Variants in KCNQ4 observed in about 807,000 individuals in gnomAD.
The protein encoded by KCNQ4 is potassium voltage-gated channel subfamily Q member 4.
Under a neutral mutation model 72.6 loss-of-function variants are expected in KCNQ4, and 31 were observed. The ratio of observed to expected loss-of-function variants is 0.43; its 90% CI spans 0.32 to 0.58. The LOEUF (loss-of-function observed/expected upper bound fraction) is 0.58. Among genes scored for constraint, KCNQ4 ranks in the 20% least tolerant of loss-of-function variants. KCNQ4 has a pLI of 0.08. For synonymous variants in KCNQ4, 405 were observed against 403.7 expected, an observed-to-expected ratio of 1.00 and a Z score of -0.04; for missense variants, 869 against 962.6, an observed-to-expected ratio of 0.90 and a Z score of 1.29.
chr1:40,823,661 G>A (rs1648376348), intron 8 of KCNQ4, among the ~76,000 whole-genome samples: 1 of 152,174 alleles, frequency 6.6e-6, no homozygotes. Flanking sequence ...AAACCCAGTG[G>A]CAAGAGTGAG....
intron 1 of KCNQ4, among the ~76,000 whole-genome samples, chr1:40,810,712 A>T (rs950531003): frequency 6.6e-6 from 1 of 152,152 alleles, no homozygotes; most frequent in Non-Finnish European, 1.5e-5. Flanking sequence ...GGATCCAGGG[A>T]CATCCCCAGA....
chr1:40,820,071 G>A (rs2148320211), intron 6 of KCNQ4, 86 bp downstream of exon 6: 1 of 1,524,970 alleles, frequency 6.6e-7, no homozygotes, highest in South Asian at 1.1e-5. Context: ...GGAGCCTGGG[G>A]TACCTCAGAG....
At chr1:40,785,196 C>G (rs1178609041) in intron 1 of KCNQ4, among the ~76,000 whole-genome samples, 1 of 152,228 alleles carries the variant, frequency 6.6e-6, no homozygotes, top group Non-Finnish European at 1.5e-5. Context: ...GCCCCCTCCT[C>G]CCTCTCACCA....
chr1:40,806,230 C>T (rs1647756902), intron 1 of KCNQ4, among the ~76,000 whole-genome samples: 2 of 152,352 alleles, frequency 1.3e-5, no homozygotes, highest in African/African-American at 4.8e-5. Context: ...GGGAAGGTTT[C>T]CACTAGCCAT....
chr1:40,784,210 C>T lies in KCNQ4; in HGVS notation c.117C>T (p.Gly39=). The part of the protein sequence containing the change: ...VQSEQGEAGG[G]GSPRRLGLLG... ...GCGAACAGGGCGAGGCGGGCGGGGG[C>T]GGCTCCCCGCGCCGCCTCGGCCTCC... Residue 39 remains glycine, a synonymous_variant, in exon 1 of 14, where the codon GGC becomes GGT. Transcript: ENST00000347132. This position sits in a 1 kb window ranked among gnomAD's most constrained non-coding sequence, Gnocchi z 4.1. The T allele has an allele frequency of 1.8e-6, 2 of 1,142,052 alleles. No homozygotes were observed. The allele number at this position is 1,142,052 out of a possible 1,614,324, so 70.7% of individuals were successfully genotyped here. A position where few individuals can be genotyped will look rare whatever the true frequency, so the allele number is the denominator to read the frequency against.
rs1293159738 is a variant in KCNQ4 at position 40,784,211 on chromosome 1, G to T, written c.118G>T (p.Gly40Cys). The T allele has an allele frequency of 7.8e-6, 9 of 1,151,430 alleles. No individual in the cohort carries two copies. The highest frequency in any genetic ancestry group is 1.7e-5 in the African/African-American group (1 of 60,536). The allele number at this position is 1,151,430 out of a possible 1,614,324, so 71.3% of individuals were successfully genotyped here. A position where few individuals can be genotyped will look rare whatever the true frequency, so the allele number is the denominator to read the frequency against. ...QSEQGEAGGG[G>C]SPRRLGLLGS... ...CGAACAGGGCGAGGCGGGCGGGGGC[G>T]GCTCCCCGCGCCGCCTCGGCCTCCT... Residue 40 changes from glycine (G) to cysteine (C), a missense_variant, in exon 1 of 14, where the codon GGC (glycine) becomes TGC (cysteine). Around this residue, in one of 5 missense-constraint regions of KCNQ4, gnomAD observed 178 missense variants for 145.3 expected, o/e 1.22. Transcript: ENST00000347132. The surrounding 1 kb of genome is among the most constrained non-coding windows in gnomAD (Gnocchi z 4.1).
intron 1 of KCNQ4, among the ~76,000 whole-genome samples, chr1:40,811,955 C>T (rs990877011): frequency 6.6e-6 from 1 of 152,198 alleles, no homozygotes. Flanking sequence ...TTAGAAAGTC[C>T]TTTGTTGGAT....
At chr1:40,814,546 A>T (rs1648027925) in intron 1 of KCNQ4, among the ~76,000 whole-genome samples, 1 of 152,044 alleles carries the variant, frequency 6.6e-6, no homozygotes, top group African/African-American at 2.4e-5. Flanking sequence ...TCTACAAAAA[A>T]TTTAAAAATT....
At chr1:40,804,026 A>C (rs1269902538) in intron 1 of KCNQ4, among the ~76,000 whole-genome samples, 3 of 152,112 alleles carry the variant, frequency 2.0e-5, no homozygotes, top group Non-Finnish European at 4.4e-5. Flanking sequence ...CCCAGTGGCA[A>C]GGACTAACTC....
chr1:40,805,912 G>A (rs1273595244), intron 1 of KCNQ4, among the ~76,000 whole-genome samples: 3 of 152,116 alleles, frequency 2.0e-5, no homozygotes, highest in Non-Finnish European at 4.4e-5. Flanking sequence ...CGCAATCTCG[G>A]CTCACTGCAG....
chr1:40,810,475 C>T (rs1647903232), intron 1 of KCNQ4, among the ~76,000 whole-genome samples: 1 of 152,180 alleles, frequency 6.6e-6, no homozygotes, highest in Non-Finnish European at 1.5e-5. Context: ...TTACAATAAA[C>T]CTGGCTGAGT....
intron 12 of KCNQ4, among the ~76,000 whole-genome samples, chr1:40,835,998 A>G (rs1014177460): frequency 2.0e-5 from 3 of 151,978 alleles, no homozygotes; most frequent in African/African-American, 7.2e-5. Flanking sequence ...GTTGGTGTTC[A>G]TCCAGGATGA....
chr1:40,839,643 C>T lies in KCNQ4; in HGVS notation c.*1120C>T, dbSNP rs145593729. 54 of 152,508 alleles carry T rather than the reference C, an allele frequency of 3.5e-4. No individual in the cohort carries two copies. The East Asian group carries it at 8.3e-3, about 24-fold the overall frequency. 9.4% of individuals were successfully genotyped at this position (152,508 alleles called of 1,614,324 possible). On this transcript the variant is annotated 3_prime_UTR_variant, in exon 14 of 14. Coordinates refer to ENST00000347132, the MANE Select transcript of KCNQ4 (RefSeq NM_004700.4). ...GCCCCACCCAGACCTTTACCCGCTC[C>T]CCTTCTTCAAGAAGATCTCCTCCTC... is the stretch of plus-strand genomic sequence containing the variant.
intron 12 of KCNQ4, among the ~76,000 whole-genome samples, chr1:40,836,989 T>C (rs1203955571): frequency 1.3e-5 from 2 of 152,128 alleles, no homozygotes; most frequent in Non-Finnish European, 2.9e-5. Flanking sequence ...AGGTCAGTTC[T>C]AGCCTTGTCC....
chr1:40,788,418 G>A lies in KCNQ4; in HGVS notation c.314+4011G>A, dbSNP rs1053348531. On this transcript the variant is annotated intron_variant, in intron 1 of 13. Transcript: ENST00000347132. The surrounding 1 kb of genome is among the most constrained non-coding windows in gnomAD (Gnocchi z 4.5). ...GTGGCCACCGGGCTTGGCTCTTGGA[G>A]TCTGAAATGAAATCTCTGGTTGTGT... Among the ~76,000 whole-genome samples the A allele has an allele frequency of 3.3e-5, 5 of 152,210 alleles. No individual in the cohort carries two copies. The highest frequency in any genetic ancestry group is 2.0e-4 in the Admixed American group (3 of 15,288).
At chr1:40,826,367 G>T (rs1212275612) in intron 9 of KCNQ4, among the ~76,000 whole-genome samples, 4 of 152,228 alleles carry the variant, frequency 2.6e-5, no homozygotes, top group African/African-American at 9.7e-5. Flanking sequence ...TGTTCAAAAT[G>T]CAGATACCTG....
At chr1:40,811,079 T>G (rs775243503) in intron 1 of KCNQ4, among the ~76,000 whole-genome samples, 116 of 152,336 alleles carry the variant, frequency 7.6e-4, no homozygotes, top group Non-Finnish European at 1.8e-4. Context: ...CGCCCTCTCC[T>G]TATCAGGGTG....
Position 40,784,138 on chromosome 1 carries a change from C to T in KCNQ4, c.45C>T (p.Pro15=). Residue 15 remains proline (P), a synonymous_variant, in exon 1 of 14, where the codon CCC becomes CCT. Coordinates refer to ENST00000347132, the MANE Select transcript of KCNQ4 (RefSeq NM_004700.4). The surrounding 1 kb of genome is among the most constrained non-coding windows in gnomAD (Gnocchi z 4.1). Reference sequence around the variant, plus strand: ...GCCGCCTCGGCCTGGGTCCCCCGCCCGGGGACGCCCCCCGCGCGGAGCTAG... The same window carrying T: ...GCCGCCTCGGCCTGGGTCCCCCGCCTGGGGACGCCCCCCGCGCGGAGCTAG... ...PPRRLGLGPP[P]GDAPRAELVA... is the part of the protein sequence containing the mutation. 3.0e-6 allele frequency: 3 copies of T among 1,001,918 alleles called. No homozygotes were observed. Among genetic ancestry groups the T allele is most frequent in the Non-Finnish European group, 2.4e-6 (2 of 824,022 alleles). 62.1% of individuals were successfully genotyped at this position (1,001,918 alleles called of 1,614,324 possible).
intron 1 of KCNQ4, among the ~76,000 whole-genome samples, chr1:40,791,693 T>G (rs1195770119): frequency 6.6e-6 from 1 of 152,030 alleles, no homozygotes; most frequent in African/African-American, 2.4e-5. Context: ...GTCTCTAGCC[T>G]AAAGGATGGA....
Sources: gnomAD v4.1 joint callset for allele counts (sites outside exome capture counted in the v4.1 genomes callset) on GRCh38, gnomAD v4.1.1 for gene constraint, gnomAD v4.1.1 regional missense constraint, Gnocchi (gnomAD v3.1) non-coding constraint, MANE v1.5 for transcripts, NCBI Gene and HGNC (gene_info 2026-07-23, HGNC 2026-07-21) for gene names.